Variants in COL21A1 observed in about 807,000 individuals in gnomAD.
COL21A1 encodes the protein collagen alpha-1(XXI) chain.
In COL21A1, 149 loss-of-function variants were observed where a neutral mutation model predicts 137.9. That is an observed-to-expected ratio of 1.08 (90% CI 0.95 to 1.24). The LOEUF (loss-of-function observed/expected upper bound fraction) is 1.24, where lower values mean the gene tolerates loss of function less well. Among genes scored for constraint, COL21A1 ranks in the 50% most tolerant of loss-of-function variants. COL21A1 has a pLI of 0.00. For missense variants in COL21A1, 1,167 were observed against 1,158.4 expected (o/e 1.01, Z -0.11); for synonymous variants, 456 against 391.5 (o/e 1.16, Z -1.95).
chr6:56,339,474 C>T (rs1360444524), intron 1 of COL21A1, among the ~76,000 whole-genome samples: 3 of 152,108 alleles, frequency 2.0e-5, no homozygotes, highest in African/African-American at 7.2e-5. Context: ...TTTTCCACCC[C>T]TGAAATAGTC....
chr6:56,384,993 C>T (rs541736023), intron 1 of COL21A1, among the ~76,000 whole-genome samples: 2 of 152,248 alleles, frequency 1.3e-5, no homozygotes, highest in South Asian at 2.1e-4. Flanking sequence ...AGGAAGGAAA[C>T]TTAACATGAC....
At chr6:56,129,675 C>CATGTGTGT (rs1258564310) in intron 12 of COL21A1, among the ~76,000 whole-genome samples, 2 of 136,412 alleles carry the variant, frequency 1.5e-5, no homozygotes, top group Non-Finnish European at 3.1e-5. Context: ...CACGTGCGTG[C>CATGTGTGT]GTGTGTGTGT....
intron 1 of COL21A1, among the ~76,000 whole-genome samples, chr6:56,380,028 G>A (rs1581792539): frequency 6.6e-6 from 1 of 152,134 alleles, no homozygotes; most frequent in African/African-American, 2.4e-5. Context: ...CCCAGTGTTG[G>A]AGGTAGGGCC....
upstream of COL21A1, among the ~76,000 whole-genome samples, chr6:56,249,081 C>T (rs181217522): frequency 2.6e-5 from 4 of 152,176 alleles, no homozygotes; most frequent in African/African-American, 4.8e-5. Flanking sequence ...TTAGACGTTT[C>T]TCCAAAGAAG....
chr6:56,241,627 C>T (rs1417574982), intron 1 of COL21A1, among the ~76,000 whole-genome samples: 1 of 115,200 alleles, frequency 8.7e-6, no homozygotes, highest in Non-Finnish European at 1.8e-5. Flanking sequence ...CAGCCTGATT[C>T]TCAGGACCTG....
intron 1 of COL21A1, among the ~76,000 whole-genome samples, chr6:56,244,662 G>A (rs1364936134): frequency 6.6e-6 from 1 of 152,104 alleles, no homozygotes; most frequent in Non-Finnish European, 1.5e-5. Context: ...CTTGCTTTAT[G>A]TTTAGTCTTA....
chr6:56,158,288 T>C (rs1254475400), intron 9 of COL21A1, among the ~76,000 whole-genome samples: 2 of 145,822 alleles, frequency 1.4e-5, no homozygotes, highest in Admixed American at 1.4e-4. Context: ...TTTTTTTTTT[T>C]CTGAGATGGG....
In COL21A1 at chr6:56,179,814, A is replaced by C; in HGVS notation, c.404T>G (p.Leu135Arg). The change falls in exon 3 of 30, where the codon CTG (leucine) becomes CGG (arginine). Residue 135 changes from leucine (L) to arginine (R), a missense_variant. Leu to Arg is a moderately radical substitution (Grantham distance 102, BLOSUM62 -2). Coordinates refer to ENST00000244728, the MANE Select transcript of COL21A1 (RefSeq NM_030820.4). ...CGTAAGTACCACTGCTATCTTAGTC[A>C]GAAATCGTGAGGACTTGGCAAAAAG... is the stretch of plus-strand genomic sequence containing the variant. ...DYLFAKSSRF[L>R]TKIAVVLTDG... The C allele has an allele frequency of 6.2e-7, 1 of 1,613,980 alleles. No homozygotes were observed. Among genetic ancestry groups the C allele is most frequent in the East Asian group, 2.2e-5 (1 of 44,876 alleles).
intron 24 of COL21A1, 59 bp from the exon 25 acceptor site, chr6:56,061,740 C>A: frequency 1.8e-6 from 2 of 1,132,286 alleles, no homozygotes; most frequent in Non-Finnish European, 1.3e-6. Context: ...TGTAATGTGG[C>A]ATCCACCTTT....
At chr6:56,168,442 C>A in intron 5 of COL21A1, 145 bp from the exon 6 acceptor site, 1 of 505,458 alleles carries the variant, frequency 2.0e-6, no homozygotes, top group Middle Eastern at 5.4e-4. Context: ...TCACCCTGAT[C>A]CAAGGTGGAC....
chr6:56,096,150 A>ATTT (rs11459201), intron 17 of COL21A1, among the ~76,000 whole-genome samples: 15 of 148,520 alleles, frequency 1.0e-4, no homozygotes, highest in African/African-American at 3.7e-4. Flanking sequence ...TCTGGCCTGC[A>ATTT]TTTTTTTTTT....
At chr6:56,111,820 G>A (rs186668863) in intron 16 of COL21A1, among the ~76,000 whole-genome samples, 155 of 152,140 alleles carry the variant, frequency 1.0e-3, no homozygotes, top group African/African-American at 3.6e-3. Flanking sequence ...GTTGCAGTAA[G>A]CCAAGATCGT....
chr6:56,082,789 CTT>C lies in COL21A1; in HGVS notation c.1813-5218_1813-5217del, dbSNP rs533431085. The stretch of plus-strand genomic sequence containing the variant: ...ACACACTAATAAGTGAATTTTTAAA[CTT>C]AATTTATACGATAAAAATAACTAGG... On this transcript the variant is annotated intron_variant, in intron 17 of 29. Transcript: ENST00000244728. Among the ~76,000 whole-genome samples, 566 of 151,788 alleles carry C rather than the reference CTT, an allele frequency of 3.7e-3. 3 individuals carry two copies. The highest frequency in any genetic ancestry group is 0.012 in the African/African-American group (513 of 41,492).
chr6:56,287,585 T>C, intron 1 of COL21A1, among the ~76,000 whole-genome samples: 1 of 152,084 alleles, frequency 6.6e-6, no homozygotes, highest in Non-Finnish European at 1.5e-5. Context: ...TCTTCGCCTT[T>C]ACCATGATTG....
chr6:56,169,956 T>C (rs1486042669), intron 5 of COL21A1, among the ~76,000 whole-genome samples: 1 of 151,934 alleles, frequency 6.6e-6, no homozygotes, highest in African/African-American at 2.4e-5. Flanking sequence ...TTGCATACTT[T>C]ATATATATTA....
chr6:56,060,795 C>A lies in COL21A1; in HGVS notation c.2353G>T (p.Gly785Ter). The A allele has an allele frequency of 6.2e-7, 1 of 1,608,916 alleles. No individual in the cohort carries two copies. The highest frequency in any genetic ancestry group is 8.5e-7 in the Non-Finnish European group (1 of 1,178,510). ...QGPPGLDGKP[G>*]REFSEQFIRQ... Reference sequence around the variant, plus strand: ...ATAAATTGTTCTGAAAACTCTCTTCCCTGCATCAAAGTGTTAGGGGTTATA... The same window carrying A: ...ATAAATTGTTCTGAAAACTCTCTTCACTGCATCAAAGTGTTAGGGGTTATA... Residue 785 changes from glycine to a stop codon, truncating the protein, a stop_gained and splice_region_variant, in exon 27 of 30, where the codon GGA (glycine) becomes TGA (stop). Coordinates refer to ENST00000244728, the MANE Select transcript of COL21A1 (RefSeq NM_030820.4). LOFTEE classifies it high-confidence loss of function.
chr6:56,182,697 G>A, intron 1 of COL21A1, 41 bp from the exon 2 acceptor site: 1 of 836,868 alleles, frequency 1.2e-6, no homozygotes, highest in Non-Finnish European at 1.9e-6. Flanking sequence ...ATTAATTAAA[G>A]TCAACATCTA....
At chr6:56,114,617 A>G (rs564965704) in intron 16 of COL21A1, among the ~76,000 whole-genome samples, 36 of 152,010 alleles carry the variant, frequency 2.4e-4, no homozygotes, top group African/African-American at 8.7e-4. Context: ...TCAAAACCAC[A>G]ATGAGATACC....
In COL21A1 at chr6:56,060,750, C is replaced by T. The variant is rs745637173; in HGVS notation, c.2398G>A (p.Val800Ile). 1.5e-5 allele frequency: 24 copies of T among 1,606,992 alleles called. No individual in the cohort carries two copies. The highest frequency in any genetic ancestry group is 2.0e-5 in the Non-Finnish European group (23 of 1,178,144). Reference protein sequence around the residue: ...EQFIRQVCTDVIRAQLPVLLQ... With the variant: ...EQFIRQVCTDIIRAQLPVLLQ... ...TATATTTGATACCTACCTCTTATTA[C>T]ATCTGTGCAAACTTGTCGAATAAAT... is the stretch of plus-strand genomic sequence containing the variant. The change falls in exon 27 of 30, where the codon GTA becomes ATA. Residue 800 changes from valine (V) to isoleucine (I), a missense_variant. By Grantham distance (29) the Val-to-Ile change is conservative. Transcript: ENST00000244728.
Sources: allele counts gnomAD v4.1 joint callset (sites outside exome capture counted in the v4.1 genomes callset), GRCh38; gene constraint gnomAD v4.1.1; transcripts MANE v1.5; gene names NCBI Gene and HGNC (gene_info 2026-07-23, HGNC 2026-07-21).